The following UGT1A8 variants were observed in gnomAD, a reference collection of about 807,000 sequenced individuals.
The protein encoded by UGT1A8 is UDP-glucuronosyltransferase 1A8.
Under a neutral mutation model 45.3 loss-of-function variants are expected in UGT1A8, and 39 were observed. The observed-to-expected ratio is 0.86, with a 90% CI of 0.67 to 1.12. The LOEUF is 1.12. Among genes scored for constraint, UGT1A8 ranks in the 50% most tolerant of loss-of-function variants. The pLI is 0.00. For synonymous variants in UGT1A8, 275 were observed against 249.2 expected (o/e 1.10, Z -0.97); for missense variants, 719 against 664.9 (o/e 1.08, Z -0.90).
intron 1 of UGT1A8, among the ~76,000 whole-genome samples, chr2:233,633,876 C>T (rs887806744): frequency 3.3e-5 from 5 of 151,994 alleles, no homozygotes; most frequent in African/African-American, 1.2e-4. Flanking sequence ...GCTCTTGCTT[C>T]TCTAGTTCTT....
intron 1 of UGT1A8, among the ~76,000 whole-genome samples, chr2:233,737,436 G>T (rs969816672): frequency 6.6e-6 from 1 of 152,186 alleles, no homozygotes; most frequent in African/African-American, 2.4e-5. Flanking sequence ...GGGTGGGAGT[G>T]TCCCGTTTTT....
chr2:233,713,981 G>T (rs2076360150), intron 1 of UGT1A8: 1 of 1,588,484 alleles, frequency 6.3e-7, no homozygotes, highest in Non-Finnish European at 8.6e-7. Context: ...GCTTCTCATT[G>T]TTGTAATAGT....
intron 2 of UGT1A8, 76 bp from the exon 3 acceptor site, chr2:233,767,773 C>G: frequency 6.2e-7 from 1 of 1,611,908 alleles, no homozygotes; most frequent in Admixed American, 1.7e-5. Flanking sequence ...CCCCTGTTTT[C>G]TAGTTAGTAT....
At chr2:233,681,967 T>C in intron 1 of UGT1A8, 1 of 1,614,120 alleles carries the variant, frequency 6.2e-7, no homozygotes, top group Non-Finnish European at 8.5e-7. Context: ...CTGGCCTCCT[T>C]CCCCTATATG....
chr2:233,733,312 C>T, intron 1 of UGT1A8, among the ~76,000 whole-genome samples: 1 of 152,116 alleles, frequency 6.6e-6, no homozygotes, highest in Non-Finnish European at 1.5e-5. Context: ...CTTTCTCTTG[C>T]CTGATTGCCC....
chr2:233,762,689 A>G (rs1362623162), intron 1 of UGT1A8, among the ~76,000 whole-genome samples: 1 of 148,448 alleles, frequency 6.7e-6, no homozygotes, highest in Non-Finnish European at 1.5e-5. Context: ...TTTCTTTCTC[A>G]TTCATCTTTT....
At chr2:233,630,585 A>G (rs1013109101) in intron 1 of UGT1A8, among the ~76,000 whole-genome samples, 2 of 152,124 alleles carry the variant, frequency 1.3e-5, no homozygotes, top group Admixed American at 6.6e-5. Flanking sequence ...CAGACTTTAT[A>G]TGAAACATGG....
rs188436882 is a variant in UGT1A8, at chr2:233,767,775, A to G, written c.988-74A>G. ...TTCCTTCAGAGGACCCCTGTTTTCT[A>G]GTTAGTATAGCAGATTTGTTTTCTA... is the stretch of plus-strand genomic sequence containing the variant. On this transcript the variant is annotated intron_variant, in intron 2 of 4. Transcript: ENST00000373450. 16 of 1,612,270 alleles carry G rather than the reference A, an allele frequency of 9.9e-6. No individual in the cohort carries two copies. In the East Asian group the frequency reaches 3.1e-4, roughly 31 times the overall value.
chr2:233,650,418 G>A lies in UGT1A8; in HGVS notation c.855+31856G>A, dbSNP rs1251184575. ...GAATTGTGTAAACTGTCCTGACTGA[G>A]ATATCTATTGTGTTGGCTATTGTTT... On this transcript the variant is annotated intron_variant, in intron 1 of 4. Transcript: ENST00000373450. 5.9e-5 allele frequency among the ~76,000 whole-genome samples: 9 copies of A among 152,236 alleles called. No homozygotes were observed. The South Asian group carries it at 1.4e-3, about 25-fold the overall frequency.
intron 1 of UGT1A8, among the ~76,000 whole-genome samples, chr2:233,733,426 T>C (rs1228976842): frequency 1.3e-5 from 2 of 152,226 alleles, no homozygotes; most frequent in African/African-American, 4.8e-5. Context: ...GCCTACTCAG[T>C]ATGATATTGG....
At chr2:233,677,178 A>T (rs896223714) in intron 1 of UGT1A8, among the ~76,000 whole-genome samples, 2 of 152,202 alleles carry the variant, frequency 1.3e-5, no homozygotes, top group African/African-American at 2.4e-5. Context: ...ATTCATTAAC[A>T]TATCTTTTTA....
At chr2:233,669,374 G>T (rs77668415) in intron 1 of UGT1A8, among the ~76,000 whole-genome samples, 4,547 of 152,004 alleles carry the variant, frequency 0.03, 211 homozygotes, top group African/African-American at 0.1. Flanking sequence ...AATTTAGATT[G>T]GGGTTGTATT....
chr2:233,708,882 A>G (rs761611588), intron 1 of UGT1A8, among the ~76,000 whole-genome samples: 2 of 152,112 alleles, frequency 1.3e-5, no homozygotes, highest in Non-Finnish European at 1.5e-5. Context: ...ACATACTAGA[A>G]CAATCTCAGG....
At chr2:233,651,541 C>A (rs1485386863) in intron 1 of UGT1A8, among the ~76,000 whole-genome samples, 1 of 152,034 alleles carries the variant, frequency 6.6e-6, no homozygotes, top group African/African-American at 2.4e-5. Context: ...AAGGAAAATT[C>A]TCAAAGAGGA....
chr2:233,623,222 T>A (rs1464101152), intron 1 of UGT1A8, among the ~76,000 whole-genome samples: 1 of 152,184 alleles, frequency 6.6e-6, no homozygotes, highest in African/African-American at 2.4e-5. Context: ...CTTTTTTAGT[T>A]CCATATGAAA....
chr2:233,660,195 A>G (rs1396072008), intron 1 of UGT1A8, among the ~76,000 whole-genome samples: 5 of 152,348 alleles, frequency 3.3e-5, no homozygotes, highest in Non-Finnish European at 5.9e-5. Context: ...CAACAAGGAC[A>G]TCTTCCACAG....
Position 233,729,530 on chromosome 2 carries a change from A to G in UGT1A8, c.856-37504A>G, listed in dbSNP as rs372837189. The G allele has an allele frequency of 5.6e-6, 9 of 1,614,100 alleles. No individual in the cohort carries two copies. Among genetic ancestry groups the G allele is most frequent in the African/African-American group, 1.3e-5 (1 of 74,922 alleles). On this transcript the variant is annotated intron_variant, in intron 1 of 4. Transcript: ENST00000373450. ...TCTTGTGTGGAGCTACTACATAATGAGGCCCTGATCAGGCACCTGAATGCT... is the reference window on the plus strand; with the variant it reads ...TCTTGTGTGGAGCTACTACATAATGGGGCCCTGATCAGGCACCTGAATGCT...
intron 1 of UGT1A8, among the ~76,000 whole-genome samples, chr2:233,697,785 G>A (rs143859460): frequency 1.6e-4 from 24 of 151,958 alleles, no homozygotes; most frequent in African/African-American, 4.1e-4. Context: ...ATTTTCATTC[G>A]TTTCAAGTAA....
At chr2:233,693,451 A>G (rs1260557973) in intron 1 of UGT1A8, 1 of 1,614,126 alleles carries the variant, frequency 6.2e-7, no homozygotes, top group Non-Finnish European at 8.5e-7. Context: ...CTCTTTTCAC[A>G]GACCCAGCCT....
Sources: gnomAD v4.1 joint callset for allele counts (sites outside exome capture counted in the v4.1 genomes callset) on GRCh38, gnomAD v4.1.1 for gene constraint, MANE v1.5 for transcripts, NCBI Gene and HGNC (gene_info 2026-07-23, HGNC 2026-07-21) for gene names.